The following TCF12 variants were observed in gnomAD, a reference collection of about 807,000 sequenced individuals.
The protein encoded by TCF12 is transcription factor 12, also known as DNA-binding protein HTF4.
Under a neutral mutation model 86.0 loss-of-function variants are expected in TCF12, and 45 were observed. The observed-to-expected ratio is 0.52, with a 90% CI of 0.41 to 0.67. TCF12 has a LOEUF of 0.67. Ranked by LOEUF, TCF12 falls within the 30% of genes least tolerant of loss-of-function variation. TCF12 has a pLI of 0.00. For missense variants in TCF12, 881 were observed against 859.9 expected (o/e 1.02, Z -0.31); for synonymous variants, 330 against 299.6 (o/e 1.10, Z -1.05).
chr15:57,215,765 T>G (rs557679639), intron 8 of TCF12, among the ~76,000 whole-genome samples: 28 of 152,292 alleles, frequency 1.8e-4, no homozygotes, highest in African/African-American at 6.5e-4. Flanking sequence ...TTAGAAACAT[T>G]CTTGCTTACG....
intron 5 of TCF12, among the ~76,000 whole-genome samples, chr15:57,111,753 C>A (rs2050509023): frequency 6.6e-6 from 1 of 152,038 alleles, no homozygotes; most frequent in South Asian, 2.1e-4. Context: ...CCACCATGCC[C>A]AACTAATTTT....
At chr15:57,255,940 A>C (rs2060326895) in intron 16 of TCF12, among the ~76,000 whole-genome samples, 1 of 152,234 alleles carries the variant, frequency 6.6e-6, no homozygotes, top group South Asian at 2.1e-4. Flanking sequence ...CCTTCTCTTC[A>C]GTCCTTATCA....
At chr15:57,071,739 G>T (rs12898327) in intron 4 of TCF12, among the ~76,000 whole-genome samples, 58,253 of 151,834 alleles carry the variant, frequency 0.38, 13,937 homozygotes, top group Non-Finnish European at 0.53. Flanking sequence ...TAATTTTCTT[G>T]GCTACTGTGA....
chr15:57,246,982 C>T, intron 13 of TCF12: 2 of 540,106 alleles, frequency 3.7e-6, no homozygotes, highest in Admixed American at 3.8e-5. Flanking sequence ...CTACCATATC[C>T]ACCACTTTCA....
intron 4 of TCF12, among the ~76,000 whole-genome samples, chr15:57,089,637 T>C (rs1378212249): frequency 6.6e-6 from 1 of 151,568 alleles, no homozygotes; most frequent in African/African-American, 2.4e-5. Context: ...TGTTCAAGAA[T>C]GAAGAGAACT....
In TCF12 at chr15:57,252,499, T is replaced by C; in HGVS notation, c.1260+7T>C. The C allele has an allele frequency of 6.2e-7, 1 of 1,612,432 alleles. No homozygotes were observed. Among genetic ancestry groups the C allele is most frequent in the Non-Finnish European group, 8.5e-7 (1 of 1,178,674 alleles). On this transcript the variant is annotated splice_region_variant and intron_variant, in intron 15 of 20. Coordinates refer to ENST00000333725, the MANE Select transcript of TCF12 (RefSeq NM_207037.2). The stretch of plus-strand genomic sequence containing the variant: ...CTTAAAGGATGTCTGTGAGGTACTA[T>C]TTCTTTTAGATGGTGCCTTTTTTGT...
chr15:57,037,641 G>A (rs1056617752), intron 3 of TCF12, among the ~76,000 whole-genome samples: 1 of 152,306 alleles, frequency 6.6e-6, no homozygotes, highest in African/African-American at 2.4e-5. Flanking sequence ...ATGAGCATAT[G>A]TTCCGTTTCT....
At chr15:57,189,398 A>G (rs1306041759) in intron 6 of TCF12, among the ~76,000 whole-genome samples, 7 of 152,230 alleles carry the variant, frequency 4.6e-5, no homozygotes, top group Admixed American at 6.5e-5. Flanking sequence ...AACAACAAGA[A>G]GATAACCCAG....
chr15:57,269,783 T>G (rs1422061035), intron 18 of TCF12, among the ~76,000 whole-genome samples: 1 of 152,176 alleles, frequency 6.6e-6, no homozygotes, highest in Non-Finnish European at 1.5e-5. Flanking sequence ...TTTGCTTGTC[T>G]GTAAAGGATT....
chr15:57,100,567 C>T (rs2049668016), intron 5 of TCF12, among the ~76,000 whole-genome samples: 1 of 151,878 alleles, frequency 6.6e-6, no homozygotes, highest in Non-Finnish European at 1.5e-5. Flanking sequence ...CTAGCCCAGA[C>T]TAACTTCTTA....
intron 3 of TCF12, among the ~76,000 whole-genome samples, chr15:57,022,064 A>G (rs2065522145): frequency 6.6e-6 from 1 of 151,774 alleles, no homozygotes; most frequent in African/African-American, 2.4e-5. Flanking sequence ...TTATGTATGT[A>G]TGTATGTATG....
chr15:57,006,047 C>T (rs1319280471), intron 3 of TCF12, among the ~76,000 whole-genome samples: 1 of 152,048 alleles, frequency 6.6e-6, no homozygotes, highest in Non-Finnish European at 1.5e-5. Flanking sequence ...TCATTTATGA[C>T]AAGGGATGTC....
chr15:57,199,508 A>C (rs1349602694), intron 8 of TCF12, among the ~76,000 whole-genome samples: 1 of 152,224 alleles, frequency 6.6e-6, no homozygotes, highest in East Asian at 1.9e-4. Context: ...GAAACAGTGT[A>C]TGTTCAGTGT....
intron 12 of TCF12, among the ~76,000 whole-genome samples, chr15:57,234,514 A>G (rs982744126): frequency 7.2e-5 from 11 of 152,178 alleles, no homozygotes; most frequent in Admixed American, 2.6e-4. Flanking sequence ...TTTAAAGTCA[A>G]CTGCACCTGA....
intron 12 of TCF12, among the ~76,000 whole-genome samples, chr15:57,237,382 C>T (rs2059425376): frequency 6.6e-6 from 1 of 152,118 alleles, no homozygotes; most frequent in Admixed American, 6.6e-5. Flanking sequence ...GGCTTGGGAG[C>T]AGTCCATTGT....
chr15:56,963,948 T>C (rs1161539479), intron 3 of TCF12, among the ~76,000 whole-genome samples: 1 of 152,198 alleles, frequency 6.6e-6, no homozygotes, highest in Non-Finnish European at 1.5e-5. Context: ...TTGGGTCTTT[T>C]GAAGTGCTGG....
chr15:57,136,114 A>C (rs1448613665), intron 5 of TCF12, among the ~76,000 whole-genome samples: 1 of 152,188 alleles, frequency 6.6e-6, no homozygotes, highest in African/African-American at 2.4e-5. Flanking sequence ...AAAATCATTG[A>C]TCTATACTAT....
intron 3 of TCF12, among the ~76,000 whole-genome samples, chr15:57,062,165 C>T (rs1358002036): frequency 2.6e-5 from 4 of 152,052 alleles, no homozygotes; most frequent in Non-Finnish European, 5.9e-5. Flanking sequence ...TCCGTATTAG[C>T]CAGGATGGTC....
intron 4 of TCF12, among the ~76,000 whole-genome samples, chr15:57,065,422 G>C (rs1246513565): frequency 6.6e-6 from 1 of 152,116 alleles, no homozygotes; most frequent in Admixed American, 6.5e-5. Context: ...GAGTAATATT[G>C]TGAATATGTG....
Sources: allele counts gnomAD v4.1 joint callset (sites outside exome capture counted in the v4.1 genomes callset), GRCh38; gene constraint gnomAD v4.1.1; transcripts MANE v1.5; gene names NCBI Gene and HGNC (gene_info 2026-07-23, HGNC 2026-07-21).